The following IL17RC variants were observed in gnomAD, a reference collection of about 807,000 sequenced individuals.
The protein encoded by IL17RC is interleukin-17 receptor C.
IL17RC carries 53 observed loss-of-function variants against 86.7 expected under a neutral mutation model. The observed-to-expected ratio is 0.61, with a 90% CI of 0.49 to 0.77. The LOEUF is 0.77. Among genes scored for constraint, IL17RC ranks in the 30% least tolerant of loss-of-function variants. The pLI is 0.00. For missense variants in IL17RC, 957 were observed against 940.0 expected (o/e 1.02, Z -0.24); for synonymous variants, 439 against 413.1 (o/e 1.06, Z -0.76).
In IL17RC at chr3:9,918,369, T is replaced by C. The variant is rs767663980; in HGVS notation, c.315T>C (p.Phe105=). ...AAGAGCCTGAAGATGAGGAAAAGTT[T>C]GGAGGAGCAGCTGACTCAGGGGTGG... ...HWEEPEDEEK[F]GGAADSGVEE... is the part of the protein sequence containing the mutation. Residue 105 remains phenylalanine (F), a synonymous_variant, in exon 4 of 19, where the codon TTT becomes TTC. Coordinates refer to ENST00000403601, the MANE Select transcript of IL17RC (RefSeq NM_153460.4). 64 of 1,605,456 alleles carry C rather than the reference T, an allele frequency of 4.0e-5. No individual in the cohort carries two copies. Among genetic ancestry groups the C allele is most frequent in the South Asian group, 2.2e-5 (2 of 89,740 alleles).
intron 9 of IL17RC, among the ~76,000 whole-genome samples, chr3:9,926,031 CTTTT>C (rs5846649): frequency 0.012 from 1,071 of 89,748 alleles, 19 homozygotes; most frequent in African/African-American, 0.047. Flanking sequence ...TAATTGTTTC[CTTTT>C]TTTTTTTTTT....
chr3:9,923,837 A>G, intron 7 of IL17RC, 44 bp from the exon 8 acceptor site: 1 of 1,605,222 alleles, frequency 6.2e-7, no homozygotes, highest in Non-Finnish European at 8.5e-7. Context: ...GATGCAGAAG[A>G]GGTGAGGAAG....
At chr3:9,918,817 T>C (rs1429359862) in intron 5 of IL17RC, among the ~76,000 whole-genome samples, 2 of 152,216 alleles carry the variant, frequency 1.3e-5, no homozygotes, top group Admixed American at 1.3e-4. Flanking sequence ...TGATCAGCGC[T>C]GTGGGCAAGT....
chr3:9,930,827 A>C lies in IL17RC; in HGVS notation c.1339-68A>C. 1 of 1,406,288 alleles carries C rather than the reference A, an allele frequency of 7.1e-7. No homozygotes were observed. Among genetic ancestry groups the C allele is most frequent in the Non-Finnish European group, 1.0e-6 (1 of 990,732 alleles). The allele number at this position is 1,406,288 out of a possible 1,614,324, so 87.1% of individuals were successfully genotyped here. A position where few individuals can be genotyped will look rare whatever the true frequency, so the allele number is the denominator to read the frequency against. On this transcript the variant is annotated intron_variant, in intron 15 of 18. Coordinates refer to ENST00000403601, the MANE Select transcript of IL17RC (RefSeq NM_153460.4). This position sits in a 1 kb window ranked among gnomAD's most constrained non-coding sequence, Gnocchi z 5.8. The stretch of plus-strand genomic sequence containing the variant: ...ATGCTGGGAATTTGGAGATCAGGCC[A>C]CCAGAGCTTGGTGAATATTGGAACA...
chr3:9,921,710 C>T (rs1396078255), intron 7 of IL17RC, among the ~76,000 whole-genome samples: 7 of 148,860 alleles, frequency 4.7e-5, no homozygotes, highest in South Asian at 2.1e-4. Context: ...CTGCAAGCTC[C>T]GCCTCCCAGG....
At position 9,920,914 on chromosome 3, in the gene IL17RC, T is replaced by C. The variant is rs768196120; in HGVS notation, c.578-11T>C. The C allele has an allele frequency of 5.0e-6, 8 of 1,608,872 alleles. 1 individual carries two copies. The East Asian group carries it at 1.6e-4, about 31-fold the overall frequency. On this transcript the variant is annotated splice_polypyrimidine_tract_variant and intron_variant, in intron 6 of 18. Coordinates refer to ENST00000403601, the MANE Select transcript of IL17RC (RefSeq NM_153460.4). ...AGCCCCACTGGAGGCTCTTCTGTGA[T>C]CTCTCCTCAGACTGCAGGGGGCTCG...
intron 6 of IL17RC, 87 bp downstream of exon 6, chr3:9,920,689 C>A: frequency 1.1e-6 from 1 of 936,136 alleles, no homozygotes; most frequent in Non-Finnish European, 1.7e-6. Context: ...TAGCTCCATC[C>A]ACTCTCCGGC....
intron 12 of IL17RC, chr3:9,929,304 A>G (rs2084427303): frequency 6.4e-6 from 1 of 155,760 alleles, no homozygotes; most frequent in Admixed American, 6.3e-5. Context: ...ACAGAGTGAG[A>G]CTGGGCGACA....
intron 9 of IL17RC, among the ~76,000 whole-genome samples, chr3:9,925,462 C>A (rs977594513): frequency 1.3e-5 from 2 of 152,130 alleles, no homozygotes; most frequent in Non-Finnish European, 2.9e-5. Context: ...CATCTTACCT[C>A]TGACATTAAT....
At chr3:9,921,045 C>T (rs1168527765) in intron 7 of IL17RC, 76 bp downstream of exon 7, 2 of 837,650 alleles carry the variant, frequency 2.4e-6, no homozygotes, top group African/African-American at 1.7e-5. Flanking sequence ...GAGTCCACTT[C>T]AGATATGGGC....
At position 9,928,322 on chromosome 3, in the gene IL17RC, A is replaced by G. The variant is rs201753733; in HGVS notation, c.895A>G (p.Asn299Asp). 1.2e-6 allele frequency: 2 copies of G among 1,604,936 alleles called. No homozygotes were observed. The highest frequency in any genetic ancestry group is 1.7e-5 in the Admixed American group (1 of 59,360). ...CCTTGCAGACCCCCGCGCACACCAG[A>G]ACCTCTGGCAAGCCGCCCGACTGCA... ...PFREDPRAHQ[N>D]LWQAARLQLL... Residue 299 changes from asparagine (N) to aspartate (D), a missense_variant, in exon 11 of 19, where the codon AAC (asparagine) becomes GAC (aspartate). Asn to Asp is a conservative substitution (Grantham distance 23). Coordinates refer to ENST00000403601, the MANE Select transcript of IL17RC (RefSeq NM_153460.4).
chr3:9,917,833 G>A, intron 2 of IL17RC, 90 bp from the exon 3 acceptor site: 1 of 1,609,204 alleles, frequency 6.2e-7, no homozygotes, highest in East Asian at 2.2e-5. Flanking sequence ...GCCTAGGACA[G>A]CCAAGTTCTT....
intron 9 of IL17RC, among the ~76,000 whole-genome samples, chr3:9,926,927 G>C (rs895801676): frequency 6.6e-6 from 1 of 152,092 alleles, no homozygotes; most frequent in East Asian, 1.9e-4. Flanking sequence ...GCCTTGTTTT[G>C]TTTTTAAACA....
At chr3:9,918,304 C>T (rs1476067929) in intron 3 of IL17RC, 31 bp from the exon 4 acceptor site, 43 of 1,540,464 alleles carry the variant, frequency 2.8e-5, no homozygotes, top group Non-Finnish European at 3.4e-5. Context: ...CAGGGGGCCT[C>T]ACCCAGGGCC....
chr3:9,918,086 C>A lies in IL17RC; in HGVS notation c.280+11C>A. On this transcript the variant is annotated intron_variant, in intron 3 of 18. Coordinates refer to ENST00000403601, the MANE Select transcript of IL17RC (RefSeq NM_153460.4). ...ACTTGGCCGTGCATGGTGAGCAAGT[C>A]ATCCTGTGACAGTGCATGTGTACAC... 1 of 1,563,910 alleles carries A rather than the reference C, an allele frequency of 6.4e-7. No homozygotes were observed. Among genetic ancestry groups the A allele is most frequent in the South Asian group, 1.2e-5 (1 of 85,596 alleles).
In IL17RC at chr3:9,932,716, C is replaced by T. The variant is rs1366502349; in HGVS notation, c.1483+13C>T. The T allele has an allele frequency of 3.1e-6, 5 of 1,613,834 alleles. No individual in the cohort carries two copies. The Admixed American group carries it at 8.3e-5, about 27-fold the overall frequency. On this transcript the variant is annotated intron_variant, in intron 17 of 18. Coordinates refer to ENST00000403601, the MANE Select transcript of IL17RC (RefSeq NM_153460.4). ...GATCACGCGAAAGGTGAGCGCTTCC[C>T]GGCTCCCCATTCCCCTGGGGGAGGA...
chr3:9,932,711 C>T lies in IL17RC; in HGVS notation c.1483+8C>T. ...AAAAGGATCACGCGAAAGGTGAGCGCTTCCCGGCTCCCCATTCCCCTGGGG... is the reference window on the plus strand; with the variant it reads ...AAAAGGATCACGCGAAAGGTGAGCGTTTCCCGGCTCCCCATTCCCCTGGGG... On this transcript the variant is annotated splice_region_variant and intron_variant, in intron 17 of 18. Coordinates refer to ENST00000403601, the MANE Select transcript of IL17RC (RefSeq NM_153460.4). 1 of 1,614,102 alleles carries T rather than the reference C, an allele frequency of 6.2e-7. No homozygotes were observed. Among genetic ancestry groups the T allele is most frequent in the African/African-American group, 1.3e-5 (1 of 75,074 alleles).
At chr3:9,932,553 G>C in intron 16 of IL17RC, 55 bp from the exon 17 acceptor site, 1 of 1,511,662 alleles carries the variant, frequency 6.6e-7, no homozygotes, top group Non-Finnish European at 9.2e-7. Context: ...TTAAGTCTCA[G>C]TTTTTCTTCT....
chr3:9,926,404 C>T (rs562823949), intron 9 of IL17RC, among the ~76,000 whole-genome samples: 17 of 152,242 alleles, frequency 1.1e-4, no homozygotes, highest in African/African-American at 3.9e-4. Flanking sequence ...CTTATTTGGG[C>T]ATCTAATTTC....
Sources: gnomAD v4.1 joint callset for allele counts (sites outside exome capture counted in the v4.1 genomes callset) on GRCh38, gnomAD v4.1.1 for gene constraint, Gnocchi (gnomAD v3.1) non-coding constraint, MANE v1.5 for transcripts, NCBI Gene and HGNC (gene_info 2026-07-23, HGNC 2026-07-21) for gene names.